PTPN13: variants seen among roughly 807,000 people sequenced by gnomAD.
PTPN13 encodes the protein tyrosine-protein phosphatase non-receptor type 13.
In PTPN13, 191 loss-of-function variants were observed where a neutral mutation model predicts 284.0. The ratio of observed to expected loss-of-function variants is 0.67; its 90% confidence interval spans 0.60 to 0.76. The LOEUF is 0.76. Ranked by LOEUF, PTPN13 falls within the 30% of genes least tolerant of loss-of-function variation. The pLI is 0.00. For missense variants in PTPN13, 2,797 were observed against 2,939.9 expected (o/e 0.95, Z 1.12); for synonymous variants, 986 against 1,022.3 (o/e 0.96, Z 0.68).
At chr4:86,614,114 C>T (rs917882132) in intron 1 of PTPN13, among the ~76,000 whole-genome samples, 1 of 152,014 alleles carries the variant, frequency 6.6e-6, no homozygotes, top group African/African-American at 2.4e-5. Flanking sequence ...AAAATACAAT[C>T]GAATTTATTA....
intron 40 of PTPN13, among the ~76,000 whole-genome samples, chr4:86,790,834 A>T (rs1326750328): frequency 1.3e-5 from 2 of 152,064 alleles, no homozygotes; most frequent in Non-Finnish European, 2.9e-5. Flanking sequence ...CAATTGTATA[A>T]TTTACCGACC....
At chr4:86,720,978 C>T (rs910241421) in intron 9 of PTPN13, among the ~76,000 whole-genome samples, 1 of 151,968 alleles carries the variant, frequency 6.6e-6, no homozygotes, top group Admixed American at 6.6e-5. Context: ...TATGTACTAG[C>T]TTTTGAAGTA....
intron 1 of PTPN13, among the ~76,000 whole-genome samples, chr4:86,626,361 G>A (rs1390076679): frequency 6.6e-6 from 1 of 152,056 alleles, no homozygotes; most frequent in Non-Finnish European, 1.5e-5. Flanking sequence ...ACTAAACATT[G>A]CTCCAACTGC....
chr4:86,699,363 G>A (rs912681337), intron 6 of PTPN13, among the ~76,000 whole-genome samples: 2 of 151,928 alleles, frequency 1.3e-5, no homozygotes, highest in African/African-American at 2.4e-5. Flanking sequence ...TCGAGCCTGG[G>A]AGACGGAGCG....
In PTPN13 at chr4:86,689,259, T is replaced by C. The variant is rs1042485792; in HGVS notation, c.546+69T>C. On this transcript the variant is annotated intron_variant, in intron 5 of 47. Coordinates refer to ENST00000411767, the MANE Select transcript of PTPN13 (RefSeq NM_080683.3). ...TTAGTAGATATCACAAAATTTTCTT[T>C]AAGGATACTATATAGGTAGCATTTT... 4 of 1,336,922 alleles carry C rather than the reference T, an allele frequency of 3.0e-6. No homozygotes were observed. The African/African-American group carries it at 4.4e-5, about 15-fold the overall frequency. 82.8% of individuals were successfully genotyped at this position (1,336,922 alleles called of 1,614,324 possible). A position where few individuals can be genotyped will look rare whatever the true frequency, so the allele number is the denominator to read the frequency against.
intron 2 of PTPN13, among the ~76,000 whole-genome samples, chr4:86,640,926 A>G (rs1043971730): frequency 6.6e-6 from 1 of 152,218 alleles, no homozygotes; most frequent in Non-Finnish European, 1.5e-5. Context: ...ACAGAGTATT[A>G]TCAGTAATAC....
chr4:86,738,769 C>T (rs750653734), intron 15 of PTPN13, among the ~76,000 whole-genome samples: 1 of 152,154 alleles, frequency 6.6e-6, no homozygotes. Flanking sequence ...CAGCCTCCAC[C>T]TCCCAGGCTC....
At position 86,645,846 on chromosome 4, in the gene PTPN13, G is replaced by A. The variant is rs138813354; in HGVS notation, c.115+10475G>A. Among the ~76,000 whole-genome samples, 1,230 of 152,148 alleles carry A rather than the reference G, an allele frequency of 8.1e-3. 12 individuals carry two copies. The highest frequency in any genetic ancestry group is 0.013 in the Non-Finnish European group (856 of 68,014). ...ATGACAAGTGGATTGTAAAATTCAT[G>A]TGGAAATTCAGTGGACTTAGAGTAG... On this transcript the variant is annotated intron_variant, in intron 2 of 47. Transcript: ENST00000411767.
At chr4:86,647,748 T>C (rs1724605242) in intron 2 of PTPN13, among the ~76,000 whole-genome samples, 1 of 151,934 alleles carries the variant, frequency 6.6e-6, no homozygotes, top group South Asian at 2.1e-4. Flanking sequence ...ATGACTAGTG[T>C]CCTTATAAGA....
intron 40 of PTPN13, among the ~76,000 whole-genome samples, chr4:86,793,960 A>G (rs1419163181): frequency 6.6e-6 from 1 of 152,198 alleles, no homozygotes; most frequent in Non-Finnish European, 1.5e-5. Flanking sequence ...AAGAGCAAAC[A>G]CATTCAAAAG....
chr4:86,787,819 T>C (rs1742166347), intron 40 of PTPN13, among the ~76,000 whole-genome samples: 1 of 152,224 alleles, frequency 6.6e-6, no homozygotes, highest in African/African-American at 2.4e-5. Context: ...TGCCTCATAC[T>C]TTTTAAAGCC....
chr4:86,749,254 C>T (rs13139416), intron 17 of PTPN13, among the ~76,000 whole-genome samples: 15,214 of 151,912 alleles, frequency 0.1, 999 homozygotes, highest in Middle Eastern at 0.16. Flanking sequence ...CTTCCTTCTC[C>T]CCTCCCTCCC....
At chr4:86,786,563 T>C (rs939604393) in intron 40 of PTPN13, among the ~76,000 whole-genome samples, 1 of 152,208 alleles carries the variant, frequency 6.6e-6, no homozygotes, top group African/African-American at 2.4e-5. Context: ...AGAATAATCA[T>C]ACAAATATTA....
intron 7 of PTPN13, among the ~76,000 whole-genome samples, chr4:86,713,446 A>G (rs1258495318): frequency 6.6e-6 from 1 of 152,282 alleles, no homozygotes; most frequent in Non-Finnish European, 1.5e-5. Flanking sequence ...TCTACAGTCC[A>G]TTCAAATTAC....
At chr4:86,803,105 TAAA>T (rs1315963383) in intron 42 of PTPN13, among the ~76,000 whole-genome samples, 22 of 149,522 alleles carry the variant, frequency 1.5e-4, no homozygotes, top group African/African-American at 3.0e-4. Context: ...TGTGTGTGTA[TAAA>T]ATAAAATAAA....
chr4:86,648,816 A>G (rs1200415493), intron 2 of PTPN13, among the ~76,000 whole-genome samples: 1 of 152,202 alleles, frequency 6.6e-6, no homozygotes, highest in Non-Finnish European at 1.5e-5. Flanking sequence ...ACTATTCTCC[A>G]TAGTGGCTGT....
chr4:86,621,795 G>T (rs1721280766), intron 1 of PTPN13, among the ~76,000 whole-genome samples: 1 of 151,594 alleles, frequency 6.6e-6, no homozygotes, highest in African/African-American at 2.4e-5. Context: ...ATAAAGTGAG[G>T]CTAGATATTT....
chr4:86,697,695 G>A (rs1030390198), intron 6 of PTPN13, among the ~76,000 whole-genome samples: 2 of 152,116 alleles, frequency 1.3e-5, no homozygotes, highest in African/African-American at 4.8e-5. Context: ...CTTTTGAAAC[G>A]CACTTGGACA....
intron 25 of PTPN13, among the ~76,000 whole-genome samples, 155 bp from the exon 26 acceptor site, chr4:86,765,240 A>G (rs1274476245): frequency 6.6e-6 from 1 of 152,250 alleles, no homozygotes; most frequent in Non-Finnish European, 1.5e-5. Context: ...TGAATATAAT[A>G]TCCCTCATTA....
Sources: allele counts gnomAD v4.1 joint callset (sites outside exome capture counted in the v4.1 genomes callset), GRCh38; gene constraint gnomAD v4.1.1; transcripts MANE v1.5; gene names NCBI Gene and HGNC (gene_info 2026-07-23, HGNC 2026-07-21).